Variants in LYPD6 observed in about 807,000 individuals in gnomAD.
LYPD6 encodes the protein ly6/PLAUR domain-containing protein 6.
In LYPD6, 15 loss-of-function variants were observed where a neutral mutation model predicts 22.7. That is an observed-to-expected ratio of 0.66 (90% CI 0.44 to 1.02). The LOEUF (loss-of-function observed/expected upper bound fraction) is 1.02, where lower values mean the gene tolerates loss of function less well. LYPD6 is among the 50% of genes least tolerant of loss of function. The pLI, the probability that LYPD6 is intolerant of heterozygous loss-of-function variation, is 0.00. For missense variants in LYPD6, 189 were observed against 208.4 expected (o/e 0.91, Z 0.57); for synonymous variants, 72 against 77.5 (o/e 0.93, Z 0.37).
At chr2:149,365,583 G>A (rs1049743314) in intron 1 of LYPD6, among the ~76,000 whole-genome samples, 1 of 151,710 alleles carries the variant, frequency 6.6e-6, no homozygotes, top group Non-Finnish European at 1.5e-5. Flanking sequence ...TGCTCATTTA[G>A]AATTCTACAT....
At chr2:149,439,231 T>A (rs1683501550) in intron 2 of LYPD6, among the ~76,000 whole-genome samples, 1 of 152,192 alleles carries the variant, frequency 6.6e-6, no homozygotes, top group Non-Finnish European at 1.5e-5. Flanking sequence ...TTCTTTAGAT[T>A]TCTATTGTCT....
intron 2 of LYPD6, among the ~76,000 whole-genome samples, chr2:149,442,858 T>G (rs994517369): frequency 2.6e-5 from 4 of 152,182 alleles, no homozygotes; most frequent in African/African-American, 4.8e-5. Flanking sequence ...AATTGGTATT[T>G]CCTGCCAAGA....
chr2:149,358,627 A>G (rs1316287233), intron 1 of LYPD6, among the ~76,000 whole-genome samples: 1 of 152,182 alleles, frequency 6.6e-6, no homozygotes, highest in African/African-American at 2.4e-5. Flanking sequence ...AAAAGGTGGG[A>G]TAGACCCTAA....
chr2:149,382,327 A>G (rs57933649), intron 1 of LYPD6, among the ~76,000 whole-genome samples: 1,634 of 152,312 alleles, frequency 0.011, 24 homozygotes, highest in African/African-American at 0.035. Context: ...TGCCATACGC[A>G]TAAGTAATAT....
downstream of LYPD6, among the ~76,000 whole-genome samples, chr2:149,477,155 C>CT (rs1681459862): frequency 6.6e-6 from 1 of 152,172 alleles, no homozygotes; most frequent in Non-Finnish European, 1.5e-5. Context: ...CCATCCTTGA[C>CT]TTTAATATGT....
At chr2:149,454,569 G>A (rs368924170) in intron 3 of LYPD6, among the ~76,000 whole-genome samples, 1 of 151,988 alleles carries the variant, frequency 6.6e-6, no homozygotes, top group African/African-American at 2.4e-5. Context: ...ATGTCTTGTG[G>A]TACGTGTTCA....
intron 3 of LYPD6, among the ~76,000 whole-genome samples, chr2:149,457,282 C>T (rs939340151): frequency 1.1e-4 from 17 of 151,316 alleles, no homozygotes; most frequent in African/African-American, 3.7e-4. Flanking sequence ...ATGTTATAGA[C>T]GTCGTAGAAC....
At chr2:149,346,491 AATGCTCAAAC>A (rs1681258557) in intron 1 of LYPD6, among the ~76,000 whole-genome samples, 1 of 152,174 alleles carries the variant, frequency 6.6e-6, no homozygotes, top group Non-Finnish European at 1.5e-5. Flanking sequence ...TCCCCTCGGG[AATGCTCAAAC>A]ATTTTATGGA....
chr2:149,346,701 T>C (rs2105054428), intron 1 of LYPD6, among the ~76,000 whole-genome samples: 1 of 152,190 alleles, frequency 6.6e-6, no homozygotes, highest in East Asian at 1.9e-4. Context: ...TAAAAACTAG[T>C]TTTGTTTTTT....
intron 1 of LYPD6, among the ~76,000 whole-genome samples, chr2:149,380,424 A>T (rs756229651): frequency 1.3e-4 from 20 of 152,326 alleles, no homozygotes; most frequent in Admixed American, 3.3e-4. Flanking sequence ...ACAAGAATTG[A>T]TGGAGGTGGT....
chr2:149,408,530 C>A (rs1682780438), intron 1 of LYPD6, among the ~76,000 whole-genome samples: 2 of 152,172 alleles, frequency 1.3e-5, no homozygotes, highest in African/African-American at 4.8e-5. Context: ...TCTCTTCTTC[C>A]TTGGGAACGC....
chr2:149,471,596 T>G lies in LYPD6; in HGVS notation c.*746T>G, dbSNP rs900390036. Reference sequence around the variant, plus strand: ...TGGTGAGATCAGCCTTCTCCTTGACTTGGCACCTAATTATGCTTCATGAGA... The same window carrying G: ...TGGTGAGATCAGCCTTCTCCTTGACGTGGCACCTAATTATGCTTCATGAGA... On this transcript the variant is annotated 3_prime_UTR_variant, in exon 5 of 5. Coordinates refer to ENST00000334166, the MANE Select transcript of LYPD6 (RefSeq NM_194317.5). The G allele has an allele frequency of 2.0e-5, 3 of 152,262 alleles. No homozygotes were observed. The highest frequency in any genetic ancestry group is 2.0e-4 in the Admixed American group (3 of 15,280). 9.4% of individuals were successfully genotyped at this position (152,262 alleles called of 1,614,324 possible).
intron 1 of LYPD6, among the ~76,000 whole-genome samples, chr2:149,359,997 A>T (rs750877400): frequency 2.0e-5 from 3 of 152,212 alleles, no homozygotes; most frequent in Non-Finnish European, 4.4e-5. Context: ...TCTTGATTAT[A>T]TGCTAAACAA....
At position 149,398,691 on chromosome 2, in the gene LYPD6, G is replaced by C. The variant is rs79377155; in HGVS notation, c.-71-38947G>C. 9.9e-5 allele frequency among the ~76,000 whole-genome samples: 15 copies of C among 152,110 alleles called. No homozygotes were observed. The South Asian group carries it at 3.1e-3, about 32-fold the overall frequency. On this transcript the variant is annotated intron_variant, in intron 1 of 4. Coordinates refer to ENST00000334166, the MANE Select transcript of LYPD6 (RefSeq NM_194317.5). ...GCTGTTCACAGTTCCCAAACAGCTC[G>C]ACCTGAATTGAACTCTGAGGGTGAA...
chr2:149,343,209 T>A (rs1681194333), intron 1 of LYPD6, among the ~76,000 whole-genome samples: 1 of 151,886 alleles, frequency 6.6e-6, no homozygotes, highest in Non-Finnish European at 1.5e-5. Flanking sequence ...GTGTTTCAGA[T>A]CTCTTCCGGA....
intron 1 of LYPD6, among the ~76,000 whole-genome samples, chr2:149,423,629 A>G (rs1419091225): frequency 6.6e-6 from 1 of 152,142 alleles, no homozygotes; most frequent in Non-Finnish European, 1.5e-5. Context: ...TTCTGCGGAT[A>G]GATACCTGAA....
chr2:149,349,351 A>C (rs1681318572), intron 1 of LYPD6, among the ~76,000 whole-genome samples: 1 of 152,108 alleles, frequency 6.6e-6, no homozygotes, highest in Non-Finnish European at 1.5e-5. Context: ...GAGAAGTAGG[A>C]ATTTGTGGGC....
chr2:149,485,821 C>G, the LYPD6 span, among the ~76,000 whole-genome samples: 1 of 152,112 alleles, frequency 6.6e-6, no homozygotes, highest in African/African-American at 2.4e-5. Context: ...AACATTAAAA[C>G]ACAAAATGTA....
chr2:149,393,058 A>G (rs929698315), intron 1 of LYPD6, among the ~76,000 whole-genome samples: 1 of 152,212 alleles, frequency 6.6e-6, no homozygotes, highest in African/African-American at 2.4e-5. Context: ...ACTTTGGCCC[A>G]GGTGCATGGT....
Sources: gnomAD v4.1 joint callset for allele counts (sites outside exome capture counted in the v4.1 genomes callset) on GRCh38, gnomAD v4.1.1 for gene constraint, MANE v1.5 for transcripts, NCBI Gene and HGNC (gene_info 2026-07-23, HGNC 2026-07-21) for gene names.